Variants in FAM193A observed in about 807,000 individuals in gnomAD.
The protein encoded by FAM193A is family with sequence similarity 193 member A.
In FAM193A, 22 loss-of-function variants were observed where a neutral mutation model predicts 126.5. The ratio of observed to expected loss-of-function variants is 0.17; its 90% CI spans 0.12 to 0.25. The LOEUF (loss-of-function observed/expected upper bound fraction) is 0.25. Ranked by LOEUF, FAM193A falls within the 10% of genes least tolerant of loss-of-function variation. The pLI is 1.00. For synonymous variants in FAM193A, 761 were observed against 646.8 expected (o/e 1.18, Z -2.68); for missense variants, 1,675 against 1,672.8 (o/e 1.00, Z -0.02).
At chr4:2,566,157 G>C (rs947547392) in intron 1 of FAM193A, among the ~76,000 whole-genome samples, 1 of 151,508 alleles carries the variant, frequency 6.6e-6, no homozygotes, top group Non-Finnish European at 1.5e-5. Context: ...ACGCCATTCT[G>C]CTGCCTCAAC....
chr4:2,705,060 C>A (rs1449800690), intron 19 of FAM193A, among the ~76,000 whole-genome samples: 1 of 152,088 alleles, frequency 6.6e-6, no homozygotes, highest in Non-Finnish European at 1.5e-5. Context: ...TACAGGTGCC[C>A]ACTACCACGC....
At chr4:2,721,182 G>A (rs1324802783) in intron 20 of FAM193A, among the ~76,000 whole-genome samples, 3 of 151,556 alleles carry the variant, frequency 2.0e-5, no homozygotes, top group African/African-American at 7.3e-5. Context: ...GCGTGGTGGC[G>A]GGCACCTGTA....
At chr4:2,657,462 A>G (rs1711850527) in intron 7 of FAM193A, among the ~76,000 whole-genome samples, 1 of 152,092 alleles carries the variant, frequency 6.6e-6, no homozygotes, top group Non-Finnish European at 1.5e-5. Context: ...AGTTGCCATC[A>G]TCTTGCTTAT....
chr4:2,574,506 T>G (rs76453318), intron 1 of FAM193A, among the ~76,000 whole-genome samples: 4,326 of 152,248 alleles, frequency 0.028, 222 homozygotes, highest in African/African-American at 0.098. Context: ...CTGTAGACAT[T>G]TGACCCCTAA....
intron 19 of FAM193A, chr4:2,715,345 C>T (rs776844210): frequency 3.2e-5 from 6 of 184,786 alleles, no homozygotes; most frequent in African/African-American, 4.8e-5. Flanking sequence ...CACGTTTGAT[C>T]CCAGCTACTC....
chr4:2,593,616 G>A (rs1184599344), intron 1 of FAM193A, among the ~76,000 whole-genome samples: 1 of 152,182 alleles, frequency 6.6e-6, no homozygotes, highest in Non-Finnish European at 1.5e-5. Flanking sequence ...AGCATGTGAT[G>A]GGCTCAGTAA....
chr4:2,700,039 G>A lies in FAM193A; in HGVS notation c.3867G>A (p.Gly1289=), dbSNP rs1717527393. The change falls in exon 19 of 21, where the codon GGG becomes GGA. Residue 1289 remains glycine, a synonymous_variant. Transcript: ENST00000637812. ...RHMNHSEPRP[G]LGADGDAADP... ...TGAACCACTCAGAGCCCAGGCCAGG[G>A]CTAGGGGCTGATGGGGATGCTGCAG... is the stretch of plus-strand genomic sequence containing the variant. 2 of 1,613,914 alleles carry A rather than the reference G, an allele frequency of 1.2e-6. No individual in the cohort carries two copies. Among genetic ancestry groups the A allele is most frequent in the Non-Finnish European group, 8.5e-7 (1 of 1,180,002 alleles).
intron 1 of FAM193A, among the ~76,000 whole-genome samples, chr4:2,552,693 A>G (rs1738009162): frequency 6.6e-6 from 1 of 150,748 alleles, no homozygotes; most frequent in African/African-American, 2.4e-5. Flanking sequence ...GCCCACCACC[A>G]TTCCTGGCTA....
chr4:2,542,382 T>C (rs1261988933), intron 1 of FAM193A, among the ~76,000 whole-genome samples: 1 of 152,084 alleles, frequency 6.6e-6, no homozygotes, highest in Non-Finnish European at 1.5e-5. Flanking sequence ...TCAAGTGATC[T>C]ATCTACCTGC....
rs1713878404 is a variant in FAM193A, at chr4:2,672,171, T to G, written c.2130T>G (p.Ala710=). The G allele has an allele frequency of 1.2e-6, 2 of 1,614,108 alleles. No individual in the cohort carries two copies. Among genetic ancestry groups the G allele is most frequent in the Non-Finnish European group, 1.7e-6 (2 of 1,180,038 alleles). ...AATGTCATGTTTGTAAGCAGGAAGC[T>G]TCTGGACTGACACCATCTGCAATGA... ...TCECHVCKQE[A]SGLTPSAMTA... The change falls in exon 13 of 21, where the codon GCT becomes GCG. Residue 710 remains alanine, a synonymous_variant. Coordinates refer to ENST00000637812, the MANE Select transcript of FAM193A (RefSeq NM_001366318.2).
At chr4:2,628,578 A>C (rs1354333645) in intron 4 of FAM193A, among the ~76,000 whole-genome samples, 1 of 152,164 alleles carries the variant, frequency 6.6e-6, no homozygotes. Flanking sequence ...TCGGTGCTGC[A>C]CTGAGCTAGG....
At chr4:2,569,569 C>T (rs1739173456) in intron 1 of FAM193A, among the ~76,000 whole-genome samples, 1 of 152,182 alleles carries the variant, frequency 6.6e-6, no homozygotes, top group Admixed American at 6.5e-5. Context: ...CCGATCATGA[C>T]TCACTGCAGC....
intron 1 of FAM193A, among the ~76,000 whole-genome samples, chr4:2,582,355 A>G (rs557115198): frequency 6.6e-6 from 1 of 151,550 alleles, no homozygotes; most frequent in Non-Finnish European, 1.5e-5. Context: ...TGCCCAGGCT[A>G]CTCCTGAACT....
At chr4:2,584,097 T>A (rs918736137) in intron 1 of FAM193A, among the ~76,000 whole-genome samples, 2 of 152,200 alleles carry the variant, frequency 1.3e-5, no homozygotes, top group African/African-American at 4.8e-5. Context: ...TTAGCTGTTA[T>A]ATATAGGTCT....
chr4:2,629,282 G>A (rs17824073), intron 4 of FAM193A, among the ~76,000 whole-genome samples: 40,513 of 151,532 alleles, frequency 0.27, 5,874 homozygotes, highest in Middle Eastern at 0.38. Flanking sequence ...TGTCCAGTCT[G>A]CTTCTAAGTT....
intron 1 of FAM193A, among the ~76,000 whole-genome samples, chr4:2,578,630 G>A (rs1266248015): frequency 6.6e-6 from 1 of 151,986 alleles, no homozygotes; most frequent in African/African-American, 2.4e-5. Context: ...TCAGAAATTC[G>A]CTTATACCTT....
At position 2,700,453 on chromosome 4, in the gene FAM193A, C is replaced by G. The variant is rs531415521; in HGVS notation, c.4281C>G (p.Asn1427Lys). 5 of 1,614,050 alleles carry G rather than the reference C, an allele frequency of 3.1e-6. No homozygotes were observed. The African/African-American group carries it at 6.7e-5, about 22-fold the overall frequency. Reference sequence around the variant, plus strand: ...CCTCTCCCGGTGAGCATCAGCAGAACAGCAAGCTGGTGCTGGCAGAGTCCC... The same window carrying G: ...CCTCTCCCGGTGAGCATCAGCAGAAGAGCAAGCTGGTGCTGGCAGAGTCCC... ...EPTSPGEHQQ[N>K]SKLVLAESPQ... Residue 1427 changes from asparagine (N) to lysine (K), a missense_variant, in exon 19 of 21, where the codon AAC (asparagine) becomes AAG (lysine). Transcript: ENST00000637812.
intron 1 of FAM193A, among the ~76,000 whole-genome samples, chr4:2,571,097 G>T (rs1739268854): frequency 6.6e-6 from 1 of 152,178 alleles, no homozygotes; most frequent in Non-Finnish European, 1.5e-5. Flanking sequence ...CATAGGCTCT[G>T]CTCTTTAGTG....
At chr4:2,700,655 C>T (rs1032681191) in intron 19 of FAM193A, 111 bp downstream of exon 19, 7 of 1,364,424 alleles carry the variant, frequency 5.1e-6, no homozygotes, top group Non-Finnish European at 7.0e-6. Flanking sequence ...TGTGGCCTCC[C>T]TCCTGTAGAA....
Sources: allele counts gnomAD v4.1 joint callset (sites outside exome capture counted in the v4.1 genomes callset), GRCh38; gene constraint gnomAD v4.1.1; transcripts MANE v1.5; gene names NCBI Gene and HGNC (gene_info 2026-07-23, HGNC 2026-07-21).